UGT2B11: variants seen among roughly 807,000 people sequenced by gnomAD.
UGT2B11 encodes UDP glucuronosyltransferase family 2 member B11, also known as UDP-glucuronosyltransferase 2B11.
Under a neutral mutation model 51.7 loss-of-function variants are expected in UGT2B11, and 49 were observed. The observed-to-expected ratio is 0.95, with a 90% CI of 0.75 to 1.20. The LOEUF (loss-of-function observed/expected upper bound fraction) is 1.20, where lower values mean the gene tolerates loss of function less well. UGT2B11 is among the 50% of genes most tolerant of loss of function. The pLI, the probability that UGT2B11 is intolerant of heterozygous loss-of-function variation, is 0.00. For missense variants in UGT2B11, 810 were observed against 622.1 expected (o/e 1.30, Z -3.21); for synonymous variants, 273 against 209.0 (o/e 1.31, Z -2.64).
At chr4:69,221,663 T>C in the UGT2B11 span, among the ~76,000 whole-genome samples, 2 of 152,178 alleles carry the variant, frequency 1.3e-5, no homozygotes, top group African/African-American at 4.8e-5. Context: ...ACGAGAGAAA[T>C]ACCTGGTTAC....
chr4:69,205,406 T>C (rs926114497), intron 4 of UGT2B11, 74 bp downstream of exon 4: 92 of 1,544,406 alleles, frequency 6.0e-5, no homozygotes, highest in Non-Finnish European at 7.8e-5. Context: ...TAACAAATAT[T>C]CAATAAGCAT....
upstream of UGT2B11, among the ~76,000 whole-genome samples, chr4:69,217,720 G>A (rs575675657): frequency 2.0e-5 from 3 of 152,196 alleles, no homozygotes; most frequent in Admixed American, 1.3e-4. Context: ...CAGTGGGTGA[G>A]ATGAAACCTA....
chr4:69,224,854 C>T, the UGT2B11 span, among the ~76,000 whole-genome samples: 1 of 151,964 alleles, frequency 6.6e-6, no homozygotes, highest in Admixed American at 6.6e-5. Context: ...AGATTTTTCG[C>T]TCACCTTTTA....
chr4:69,220,326 CTG>C, the UGT2B11 span, among the ~76,000 whole-genome samples: 9 of 152,174 alleles, frequency 5.9e-5, no homozygotes, highest in East Asian at 1.7e-3. Flanking sequence ...CATTGAATGT[CTG>C]TGGTTTTTCC....
At chr4:69,212,822 A>C in intron 1 of UGT2B11, 101 bp from the exon 2 acceptor site, 2 of 1,303,468 alleles carry the variant, frequency 1.5e-6, no homozygotes, top group East Asian at 2.8e-5. Context: ...ATGTAGGTAA[A>C]GTTTATGTGC....
chr4:69,222,814 TCTC>T, the UGT2B11 span, among the ~76,000 whole-genome samples: 3 of 152,262 alleles, frequency 2.0e-5, no homozygotes, highest in East Asian at 3.9e-4. Flanking sequence ...GGGCCCAAAT[TCTC>T]CTCCTACTGC....
At chr4:69,217,659 C>G (rs1722308352), upstream of UGT2B11, among the ~76,000 whole-genome samples, 1 of 152,028 alleles carries the variant, frequency 6.6e-6, no homozygotes, top group Non-Finnish European at 1.5e-5. Flanking sequence ...GGCCAATTCT[C>G]CTCATTTCAA....
intron 1 of UGT2B11, among the ~76,000 whole-genome samples, chr4:69,213,495 G>A (rs1577966602): frequency 6.6e-6 from 1 of 151,662 alleles, no homozygotes; most frequent in Non-Finnish European, 1.5e-5. Flanking sequence ...ATTGACTTTT[G>A]CATCTGAGAT....
chr4:69,206,043 A>T (rs1414783384), intron 3 of UGT2B11, among the ~76,000 whole-genome samples: 1 of 151,632 alleles, frequency 6.6e-6, no homozygotes, highest in East Asian at 2.0e-4. Flanking sequence ...AAGTTAGTTC[A>T]ACCATTGTGG....
At chr4:69,216,867 T>C (rs577369150), upstream of UGT2B11, 1 of 152,224 alleles carries the variant, frequency 6.6e-6, no homozygotes, top group South Asian at 2.1e-4. Flanking sequence ...GAGTTTCTAG[T>C]ATAAGAAAGC....
the UGT2B11 span, among the ~76,000 whole-genome samples, chr4:69,224,726 G>T: frequency 6.7e-6 from 1 of 148,776 alleles, no homozygotes; most frequent in African/African-American, 2.5e-5. Context: ...TGGTGAGGGT[G>T]AGAGAGAGAC....
At chr4:69,219,219 G>C (rs894348931), upstream of UGT2B11, among the ~76,000 whole-genome samples, 1 of 151,868 alleles carries the variant, frequency 6.6e-6, no homozygotes, top group Non-Finnish European at 1.5e-5. Context: ...TGATCATCTT[G>C]AGCACATTCC....
chr4:69,203,777 A>C (rs1721748363), intron 5 of UGT2B11, among the ~76,000 whole-genome samples: 1 of 151,750 alleles, frequency 6.6e-6, no homozygotes, highest in Non-Finnish European at 1.5e-5. Flanking sequence ...TTCCATTTAT[A>C]TGAAATATCT....
chr4:69,207,666 C>A (rs183343222), intron 3 of UGT2B11, among the ~76,000 whole-genome samples: 3 of 151,724 alleles, frequency 2.0e-5, no homozygotes, highest in Non-Finnish European at 4.4e-5. Flanking sequence ...CATCCTTTCT[C>A]TTTCATCTTC....
upstream of UGT2B11, among the ~76,000 whole-genome samples, chr4:69,219,468 T>C (rs1416395580): frequency 6.8e-6 from 1 of 146,528 alleles, no homozygotes; most frequent in Non-Finnish European, 1.5e-5. Context: ...CTTCTATTGA[T>C]TTTGTTCTAG....
At chr4:69,206,909 G>C (rs1721880017) in intron 3 of UGT2B11, among the ~76,000 whole-genome samples, 1 of 151,512 alleles carries the variant, frequency 6.6e-6, no homozygotes, top group Non-Finnish European at 1.5e-5. Context: ...AAAATAGCAA[G>C]TCTATAAAAT....
intron 3 of UGT2B11, 21 bp downstream of exon 3, chr4:69,208,330 C>T: frequency 1.2e-6 from 2 of 1,609,122 alleles, no homozygotes; most frequent in Non-Finnish European, 1.7e-6. Flanking sequence ...TTTTCCACAC[C>T]AGTAAGGCCC....
chr4:69,221,673 C>T, the UGT2B11 span, among the ~76,000 whole-genome samples: 1 of 152,342 alleles, frequency 6.6e-6, no homozygotes, highest in East Asian at 1.9e-4. Context: ...TACCTGGTTA[C>T]AGGCTGTCCT....
At chr4:69,215,679 C>T (rs552724911), upstream of UGT2B11, 5 of 151,934 alleles carry the variant, frequency 3.3e-5, no homozygotes, top group East Asian at 5.8e-4. Flanking sequence ...GTAAATATAA[C>T]CTTTTGAGGA....
Sources: gnomAD v4.1 joint callset for allele counts (sites outside exome capture counted in the v4.1 genomes callset) on GRCh38, gnomAD v4.1.1 for gene constraint, MANE v1.5 for transcripts, NCBI Gene and HGNC (gene_info 2026-07-23, HGNC 2026-07-21) for gene names.